MIPOL1: variants seen among roughly 807,000 people sequenced by gnomAD.
MIPOL1 encodes mirror-image polydactyly gene 1 protein.
Under a neutral mutation model 60.9 loss-of-function variants are expected in MIPOL1, and 57 were observed. That is an observed-to-expected ratio of 0.94 (90% CI 0.76 to 1.17). The LOEUF (loss-of-function observed/expected upper bound fraction) is 1.17. Ranked by LOEUF, MIPOL1 falls within the 50% of genes most tolerant of loss-of-function variation. The pLI is 0.00. For synonymous variants in MIPOL1, 179 were observed against 168.8 expected (o/e 1.06, Z -0.47); for missense variants, 551 against 511.6 (o/e 1.08, Z -0.74).
At chr14:37,542,244 T>C (rs554275624) in intron 12 of MIPOL1, among the ~76,000 whole-genome samples, 1 of 152,188 alleles carries the variant, frequency 6.6e-6, no homozygotes, top group East Asian at 1.9e-4. Flanking sequence ...CTACTCTTGG[T>C]TCATCTTTTA....
intron 11 of MIPOL1, among the ~76,000 whole-genome samples, chr14:37,429,128 A>G (rs1294877868): frequency 2.6e-5 from 4 of 152,168 alleles, no homozygotes; most frequent in Admixed American, 2.0e-4. Context: ...TAGGGATTAG[A>G]TTTGTATTTA....
rs187461494 is a variant in MIPOL1 at position 37,382,004 on chromosome 14, T to C, written c.936+12380T>C. 9.7e-4 allele frequency among the ~76,000 whole-genome samples: 147 copies of C among 152,180 alleles called. 3 individuals are homozygous for C. Among genetic ancestry groups the C allele is most frequent in the African/African-American group, 3.5e-3 (145 of 41,538 alleles). On this transcript the variant is annotated intron_variant, in intron 10 of 12. Coordinates refer to ENST00000684589, the MANE Select transcript of MIPOL1 (RefSeq NM_001388067.1). ...ACCTTAGTTTTGTTTGATTTTCAAG[T>C]TGATTTTTATATTAGGATGATGTCA...
intron 9 of MIPOL1, among the ~76,000 whole-genome samples, chr14:37,351,552 A>G (rs1206376013): frequency 6.7e-6 from 1 of 149,082 alleles, no homozygotes; most frequent in Non-Finnish European, 1.5e-5. Flanking sequence ...CTATTTCTCC[A>G]CATCCTCTCC....
chr14:37,528,247 T>TA (rs1271747604), intron 12 of MIPOL1, among the ~76,000 whole-genome samples: 1 of 152,062 alleles, frequency 6.6e-6, no homozygotes, highest in Non-Finnish European at 1.5e-5. Context: ...TCACTTAGCA[T>TA]ATTATGAAAA....
chr14:37,496,706 C>T (rs1451687330), intron 11 of MIPOL1, among the ~76,000 whole-genome samples: 1 of 151,860 alleles, frequency 6.6e-6, no homozygotes, highest in Non-Finnish European at 1.5e-5. Flanking sequence ...TAATCAATAT[C>T]GTGAAAATGG....
At chr14:37,220,210 T>G (rs1968508569) in intron 1 of MIPOL1, among the ~76,000 whole-genome samples, 1 of 152,200 alleles carries the variant, frequency 6.6e-6, no homozygotes, top group African/African-American at 2.4e-5. Flanking sequence ...GTTACATTCT[T>G]GGAGGGAATC....
chr14:37,481,749 A>G (rs2094874506), intron 11 of MIPOL1, among the ~76,000 whole-genome samples: 1 of 152,172 alleles, frequency 6.6e-6, no homozygotes, highest in Non-Finnish European at 1.5e-5. Flanking sequence ...CTATTGACCA[A>G]TGCAACAGAA....
At chr14:37,340,383 A>G (rs1476706756) in intron 9 of MIPOL1, among the ~76,000 whole-genome samples, 1 of 152,172 alleles carries the variant, frequency 6.6e-6, no homozygotes, top group Non-Finnish European at 1.5e-5. Flanking sequence ...CAATAGTCAA[A>G]TAGTTAAAAC....
chr14:37,269,100 T>C (rs1006960316), intron 5 of MIPOL1, among the ~76,000 whole-genome samples: 2 of 152,120 alleles, frequency 1.3e-5, no homozygotes, highest in Non-Finnish European at 2.9e-5. Context: ...TTCAGTATTA[T>C]AGAGAATGGG....
chr14:37,204,726 T>A (rs558142891), intron 1 of MIPOL1, among the ~76,000 whole-genome samples: 2 of 152,216 alleles, frequency 1.3e-5, no homozygotes, highest in South Asian at 4.2e-4. Context: ...GAAAACGGAC[T>A]AACACAGTAA....
intron 9 of MIPOL1, among the ~76,000 whole-genome samples, chr14:37,309,380 C>G (rs527831032): frequency 6.6e-6 from 1 of 152,160 alleles, no homozygotes; most frequent in African/African-American, 2.4e-5. Flanking sequence ...GTCGTGTACA[C>G]ACTTCTATGT....
intron 9 of MIPOL1, among the ~76,000 whole-genome samples, chr14:37,318,824 T>TTTATTTAGTTAG (rs1300824602): frequency 4.7e-5 from 7 of 148,150 alleles, no homozygotes; most frequent in African/African-American, 1.8e-4. Flanking sequence ...TATTTATTTA[T>TTTATTTAGTTAG]TTAGTTAGTT....
intron 1 of MIPOL1, among the ~76,000 whole-genome samples, chr14:37,241,223 ATCCCTC>A (rs1010939726): frequency 1.3e-5 from 2 of 152,072 alleles, no homozygotes; most frequent in Admixed American, 1.3e-4. Context: ...GCAAAAGGAG[ATCCCTC>A]TTGCTTTCTA....
intron 11 of MIPOL1, among the ~76,000 whole-genome samples, chr14:37,494,184 T>G (rs1300790011): frequency 6.6e-6 from 1 of 152,210 alleles, no homozygotes; most frequent in African/African-American, 2.4e-5. Flanking sequence ...TTTGATTTAC[T>G]GAAGTTCTTA....
At chr14:37,316,100 C>T (rs2087858130) in intron 9 of MIPOL1, among the ~76,000 whole-genome samples, 1 of 151,586 alleles carries the variant, frequency 6.6e-6, no homozygotes, top group African/African-American at 2.4e-5. Context: ...GATATAAGCT[C>T]ACCGCAACCT....
chr14:37,504,037 C>A (rs1000445323), intron 12 of MIPOL1: 2 of 151,988 alleles, frequency 1.3e-5, no homozygotes, highest in Admixed American at 1.3e-4. Flanking sequence ...AAAGGGATCA[C>A]TTCAACAAGA....
downstream of MIPOL1, chr14:37,551,913 TAATAATAGA>T (rs2095562446): frequency 6.8e-6 from 1 of 146,570 alleles, no homozygotes; most frequent in African/African-American, 2.5e-5. Flanking sequence ...ATAATAATAA[TAATAATAGA>T]CTGACTCAAA....
At chr14:37,443,878 T>C (rs980289901) in intron 11 of MIPOL1, among the ~76,000 whole-genome samples, 6 of 152,060 alleles carry the variant, frequency 3.9e-5, no homozygotes, top group Admixed American at 6.6e-5. Context: ...TAATTTACCA[T>C]GTTAACAGAA....
intron 12 of MIPOL1, among the ~76,000 whole-genome samples, chr14:37,529,694 T>C (rs886430983): frequency 2.0e-5 from 3 of 152,116 alleles, no homozygotes; most frequent in African/African-American, 7.2e-5. Flanking sequence ...ATGGGTGGGA[T>C]ATGAATTAGC....
Sources: allele counts gnomAD v4.1 joint callset (sites outside exome capture counted in the v4.1 genomes callset), GRCh38; gene constraint gnomAD v4.1.1; transcripts MANE v1.5; gene names NCBI Gene and HGNC (gene_info 2026-07-23, HGNC 2026-07-21).